SIL1: variants seen among roughly 807,000 people sequenced by gnomAD.
The protein encoded by SIL1 is nucleotide exchange factor SIL1.
In SIL1, 40 loss-of-function variants were observed where a neutral mutation model predicts 49.1. The ratio of observed to expected loss-of-function variants is 0.81; its 90% CI spans 0.63 to 1.06. The LOEUF (loss-of-function observed/expected upper bound fraction) is 1.06, where lower values mean the gene tolerates loss of function less well. SIL1 is among the 50% of genes least tolerant of loss of function. The pLI, the probability that SIL1 is intolerant of heterozygous loss-of-function variation, is 0.00. For synonymous variants in SIL1, 253 were observed against 250.8 expected, an observed-to-expected ratio of 1.01 and a Z score of -0.08; for missense variants, 500 against 572.6, an observed-to-expected ratio of 0.87 and a Z score of 1.29.
chr5:139,193,129 T>C (rs1295320971), intron 1 of SIL1, among the ~76,000 whole-genome samples: 4 of 151,940 alleles, frequency 2.6e-5, no homozygotes, highest in African/African-American at 9.7e-5. Flanking sequence ...AGACCATGCA[T>C]TCTCAGTGAG....
At chr5:139,109,695 TAAA>T (rs534819027) in intron 3 of SIL1, among the ~76,000 whole-genome samples, 1,857 of 121,498 alleles carry the variant, frequency 0.015, 31 homozygotes, top group African/African-American at 0.053. Flanking sequence ...AAGGGGATGT[TAAA>T]AAAAAAAAAA....
intron 1 of SIL1, among the ~76,000 whole-genome samples, chr5:139,134,030 G>A (rs935134844): frequency 6.6e-6 from 1 of 152,192 alleles, no homozygotes; most frequent in Non-Finnish European, 1.5e-5. Context: ...CTACTTCAAA[G>A]GTTGGTAGCG....
At chr5:139,183,852 G>A (rs922150052) in intron 1 of SIL1, among the ~76,000 whole-genome samples, 1 of 152,222 alleles carries the variant, frequency 6.6e-6, no homozygotes, top group Non-Finnish European at 1.5e-5. Context: ...TCTCTGGGAT[G>A]TGGAGCATTA....
intron 7 of SIL1, among the ~76,000 whole-genome samples, chr5:139,016,492 G>C (rs925310013): frequency 5.1e-4 from 78 of 152,300 alleles, no homozygotes; most frequent in African/African-American, 1.5e-3. Context: ...AAAATGAAAA[G>C]AGAGAAGGAG....
chr5:139,036,299 A>G (rs1254306889), intron 5 of SIL1, among the ~76,000 whole-genome samples: 1 of 152,156 alleles, frequency 6.6e-6, no homozygotes, highest in Non-Finnish European at 1.5e-5. Context: ...TAAGTCTTTA[A>G]TCCATCTTGA....
intron 7 of SIL1, among the ~76,000 whole-genome samples, chr5:138,981,804 G>T (rs1767530882): frequency 6.6e-6 from 1 of 152,104 alleles, no homozygotes; most frequent in South Asian, 2.1e-4. Context: ...GCTCACGCCT[G>T]CTCTCGCGTG....
chr5:139,020,312 T>C (rs948015206), intron 7 of SIL1, among the ~76,000 whole-genome samples: 9 of 152,226 alleles, frequency 5.9e-5, no homozygotes, highest in Non-Finnish European at 1.0e-4. Flanking sequence ...GAGATTCTGA[T>C]TTAAAAAACA....
chr5:139,048,490 C>G (rs1769219015), intron 4 of SIL1, among the ~76,000 whole-genome samples: 1 of 150,300 alleles, frequency 6.7e-6, no homozygotes, highest in Non-Finnish European at 1.5e-5. Context: ...ATCCTCCCAA[C>G]TCAGCCCCAC....
At chr5:138,999,534 C>G (rs1024465995) in intron 7 of SIL1, among the ~76,000 whole-genome samples, 7 of 152,152 alleles carry the variant, frequency 4.6e-5, no homozygotes, top group Non-Finnish European at 8.8e-5. Context: ...TGGTAGAGTA[C>G]ACCTGCAGTC....
At chr5:138,987,906 G>A (rs1048430382) in intron 7 of SIL1, among the ~76,000 whole-genome samples, 2 of 152,088 alleles carry the variant, frequency 1.3e-5, no homozygotes, top group East Asian at 1.9e-4. Flanking sequence ...GCGTGATCTC[G>A]GCTCAATGCA....
intron 2 of SIL1, among the ~76,000 whole-genome samples, chr5:139,121,550 C>T (rs1376024744): frequency 6.6e-6 from 1 of 152,120 alleles, no homozygotes; most frequent in Non-Finnish European, 1.5e-5. Context: ...AAAACTCGCA[C>T]ATATTATTTT....
intron 5 of SIL1, among the ~76,000 whole-genome samples, chr5:139,038,843 C>T (rs1277924924): frequency 6.6e-6 from 1 of 152,216 alleles, no homozygotes; most frequent in African/African-American, 2.4e-5. Flanking sequence ...AGAATGCTGC[C>T]TCACACTGTC....
At chr5:138,982,151 T>C (rs1029759305) in intron 7 of SIL1, among the ~76,000 whole-genome samples, 1 of 152,234 alleles carries the variant, frequency 6.6e-6, no homozygotes, top group African/African-American at 2.4e-5. Context: ...TCTAAACATT[T>C]TGAGGACAGT....
At chr5:139,019,163 T>C (rs1768464307) in intron 7 of SIL1, among the ~76,000 whole-genome samples, 2 of 152,348 alleles carry the variant, frequency 1.3e-5, no homozygotes, top group Admixed American at 6.5e-5. Flanking sequence ...ATCCCATCAC[T>C]GTGTTGTGTA....
At chr5:138,962,888 G>GGAACATGGAA (rs1767053530) in intron 7 of SIL1, among the ~76,000 whole-genome samples, 1 of 152,210 alleles carries the variant, frequency 6.6e-6, no homozygotes, top group Admixed American at 6.5e-5. Context: ...CACAGGGTAG[G>GGAACATGGAA]GAACATGGAA....
chr5:138,996,513 ATTTTTT>A (rs140943492), intron 7 of SIL1, among the ~76,000 whole-genome samples: 5 of 89,890 alleles, frequency 5.6e-5, no homozygotes, highest in Admixed American at 5.3e-4. Flanking sequence ...TGCTGTGCAG[ATTTTTT>A]TTTTTTTTTT....
chr5:138,957,016 G>T (rs1766917820), intron 7 of SIL1, among the ~76,000 whole-genome samples: 1 of 151,976 alleles, frequency 6.6e-6, no homozygotes, highest in South Asian at 2.1e-4. Context: ...ACCCACGTAA[G>T]CAACTATGAG....
chr5:138,993,169 C>T (rs60736404), intron 7 of SIL1, among the ~76,000 whole-genome samples: 2,114 of 152,236 alleles, frequency 0.014, 49 homozygotes, highest in African/African-American at 0.047. Flanking sequence ...CTTCTGGGAT[C>T]CCCTTAAGAG....
chr5:138,953,563 C>T (rs1346933498), intron 7 of SIL1: 1 of 152,354 alleles, frequency 6.6e-6, no homozygotes, highest in East Asian at 1.9e-4. Flanking sequence ...GCAACTCCAC[C>T]CCTGTGTCTG....
Sources: allele counts gnomAD v4.1 joint callset (sites outside exome capture counted in the v4.1 genomes callset), GRCh38; gene constraint gnomAD v4.1.1; transcripts MANE v1.5; gene names NCBI Gene and HGNC (gene_info 2026-07-23, HGNC 2026-07-21).